Variants in SPANXN2 observed in about 807,000 individuals in gnomAD.
SPANXN2 encodes SPANX family member N2, also known as sperm protein associated with the nucleus on the X chromosome N2.
SPANXN2 carries 1 observed loss-of-function variant against 2.0 expected under a neutral mutation model. That is an observed-to-expected ratio of 0.50 (90% CI 0.18 to 2.36). SPANXN2 has a LOEUF of 2.36. Among genes scored for constraint, SPANXN2 ranks in the 30% most tolerant of loss-of-function variants. The pLI is 0.26. For synonymous variants in SPANXN2, 43 were observed against 49.8 expected (o/e 0.86, Z 0.58); for missense variants, 88 against 116.7 (o/e 0.75, Z 1.13).
chrX:143,720,531 T>C lies in SPANXN2; in HGVS notation c.78+60A>G, dbSNP rs879972814. On this transcript the variant is annotated intron_variant, in intron 1 of 1. Transcript: ENST00000598475. ...TATTCCTGTGTTGCTGTTTGAGCCG[T>C]CCCTTCTCTGTGTGTCTTTCTTTCA... is the stretch of plus-strand genomic sequence containing the variant. 8.2e-3 allele frequency: 9,366 copies of C among 1,144,841 alleles called. 319 individuals carry two copies. The African/African-American group carries it at 0.11, about 13-fold the overall frequency. 94.3% of individuals were successfully genotyped at this position (1,144,841 alleles called of 1,213,427 possible). A position where few individuals can be genotyped will look rare whatever the true frequency, so the allele number is the denominator to read the frequency against.
chrX:143,713,989 T>C (rs1484760863), intron 1 of SPANXN2, among the ~76,000 whole-genome samples: 6 of 107,263 alleles, frequency 5.6e-5, no homozygotes, highest in Admixed American at 1.0e-4. Flanking sequence ...AAAATGCCTC[T>C]TCCTCCGGAC....
At position 143,713,412 on chromosome X, in the gene SPANXN2, T is replaced by A. The variant is rs138715763; in HGVS notation, c.79-913A>T. ...CATTTCTGGACATCACATCCAACAC[T>A]GGGCTTCAATTAGTGGGTGAGTCTC... is the stretch of plus-strand genomic sequence containing the variant. On this transcript the variant is annotated intron_variant, in intron 1 of 1. Transcript: ENST00000598475. 3.8e-3 allele frequency among the ~76,000 whole-genome samples: 424 copies of A among 111,924 alleles called. 2 individuals are homozygous for A. Among genetic ancestry groups the A allele is most frequent in the Non-Finnish European group, 6.6e-3 (353 of 53,156 alleles).
At chrX:143,714,559 C>G (rs1470961990) in intron 1 of SPANXN2, among the ~76,000 whole-genome samples, 4 of 111,826 alleles carry the variant, frequency 3.6e-5, no homozygotes, top group Non-Finnish European at 7.5e-5. Context: ...CTTCAGTAGA[C>G]AGACAGAAAT....
chrX:143,715,147 T>C (rs782790153), intron 1 of SPANXN2, among the ~76,000 whole-genome samples: 2 of 111,531 alleles, frequency 1.8e-5, no homozygotes, highest in African/African-American at 6.5e-5. Context: ...CCTACTGCCA[T>C]CACCACCTCG....
intron 1 of SPANXN2, among the ~76,000 whole-genome samples, chrX:143,718,811 CA>C (rs1932313122): frequency 9.0e-6 from 1 of 111,104 alleles, no homozygotes; most frequent in African/African-American, 3.3e-5. Context: ...GGGCACCTTC[CA>C]AAATTTCACT....
rs192339212 is a variant in SPANXN2, at chrX:143,720,457, G to A, written c.78+134C>T. On this transcript the variant is annotated intron_variant, in intron 1 of 1. Transcript: ENST00000598475. ...ATAAGCACCCCAGCCTGTAAGCGGCGGTGGGTTCTGGCATTAAGCGGGTCC... is the reference window on the plus strand; with the variant it reads ...ATAAGCACCCCAGCCTGTAAGCGGCAGTGGGTTCTGGCATTAAGCGGGTCC... The A allele has an allele frequency of 7.6e-3, 4,345 of 570,047 alleles. 83 individuals are homozygous for A. Among genetic ancestry groups the A allele is most frequent in the African/African-American group, 0.01 (405 of 38,634 alleles). The allele number at this position is 570,047 out of a possible 1,213,427, so 47.0% of individuals were successfully genotyped here.
intron 1 of SPANXN2, among the ~76,000 whole-genome samples, chrX:143,714,334 C>T (rs782797995): frequency 3.6e-5 from 4 of 111,805 alleles, no homozygotes; most frequent in African/African-American, 1.3e-4. Flanking sequence ...CAACCTCCTT[C>T]CACAAGGAAT....
chrX:143,716,519 T>A (rs1402437463), intron 1 of SPANXN2, among the ~76,000 whole-genome samples: 1 of 111,540 alleles, frequency 9.0e-6, no homozygotes, highest in African/African-American at 3.3e-5. Flanking sequence ...AACTTAAAAA[T>A]GCCCTTTTAA....
chrX:143,713,892 ACTCTCTCT>A lies in SPANXN2; in HGVS notation c.79-1401_79-1394del, dbSNP rs58045166. ...CTTTGCTTATCTCCTTTCATGCCTCACTCTCTCTCTCTCTCTCTCTCTCTCTCTCTCTC... is the reference window on the plus strand; with the variant it reads ...CTTTGCTTATCTCCTTTCATGCCTCACTCTCTCTCTCTCTCTCTCTCTCTC... On this transcript the variant is annotated intron_variant, in intron 1 of 1. Coordinates refer to ENST00000598475, the Ensembl canonical transcript of SPANXN2. Among the ~76,000 whole-genome samples the A allele has an allele frequency of 5.2e-3, 458 of 87,839 alleles. 6 individuals carry two copies. The highest frequency in any genetic ancestry group is 0.014 in the East Asian group (36 of 2,564). The allele number at this position is 87,839 out of a possible 115,157, so 76.3% of individuals were successfully genotyped here. A position where few individuals can be genotyped will look rare whatever the true frequency, so the allele number is the denominator to read the frequency against.
intron 1 of SPANXN2, among the ~76,000 whole-genome samples, chrX:143,718,385 A>G: frequency 9.2e-6 from 1 of 108,734 alleles, no homozygotes. Context: ...TCCTCAAAAC[A>G]CTCCTCCCTG....
intron 1 of SPANXN2, among the ~76,000 whole-genome samples, chrX:143,713,405 C>A (rs1371692093): frequency 8.9e-6 from 1 of 111,895 alleles, no homozygotes; most frequent in Non-Finnish European, 1.9e-5. Context: ...GACATCACAT[C>A]CAACACTGGG....
chrX:143,720,425 C>T (rs1932346398), intron 1 of SPANXN2, among the ~76,000 whole-genome samples, 166 bp downstream of exon 1: 2 of 90,872 alleles, frequency 2.2e-5, no homozygotes, highest in African/African-American at 4.1e-5. Flanking sequence ...CCCTCCCACC[C>T]ATACCTATAA....
intron 1 of SPANXN2, among the ~76,000 whole-genome samples, chrX:143,713,488 A>G (rs1472931698): frequency 3.6e-5 from 4 of 111,456 alleles, no homozygotes; most frequent in African/African-American, 6.5e-5. Context: ...TCTCCAAAAA[A>G]TTCCAGTGCT....
chrX:143,720,210 G>C lies in SPANXN2; in HGVS notation c.78+381C>G, dbSNP rs1398080889. On this transcript the variant is annotated intron_variant, in intron 1 of 1. Coordinates refer to ENST00000598475, the Ensembl canonical transcript of SPANXN2. ...TGATCAAAGTGAAACATTCCACGGG[G>C]GTTCGGGCCATGAGAAAAATCTTGC... Among the ~76,000 whole-genome samples, 18 of 110,066 alleles carry C rather than the reference G, an allele frequency of 1.6e-4. No individual in the cohort carries two copies. In the East Asian group the frequency reaches 4.3e-3, roughly 26 times the overall value.
chrX:143,719,700 G>T (rs782573370), intron 1 of SPANXN2, among the ~76,000 whole-genome samples: 17 of 110,938 alleles, frequency 1.5e-4, no homozygotes, highest in African/African-American at 5.6e-4. Flanking sequence ...CTAACAAGCA[G>T]ACCATCCAGG....
intron 1 of SPANXN2, among the ~76,000 whole-genome samples, chrX:143,714,048 G>A (rs782267217): frequency 9.2e-6 from 1 of 108,605 alleles, no homozygotes; most frequent in South Asian, 4.1e-4. Flanking sequence ...CCGTTCTTCA[G>A]CCTCCTGCCC....
chrX:143,712,285 T>A (rs782343491), exon 2 of SPANXN2: 1 of 1,210,600 alleles, frequency 8.3e-7, no homozygotes, highest in East Asian at 3.0e-5. Flanking sequence ...GTCTTCGTCC[T>A]CCTGTGAAGA....
chrX:143,712,420 AT>A lies in SPANXN2; in HGVS notation c.157del (p.Ile53Ter), dbSNP rs782010054. On this transcript the variant is annotated frameshift_variant, in exon 2 of 2. Transcript: ENST00000598475. LOFTEE classifies it low-confidence loss of function (END_TRUNC). ...CGTATGCTTCCTGTAGTAATACACT[AT>A]TATTGTTAGATATTCTATTGTTTTT... The A allele has an allele frequency of 3.0e-5, 36 of 1,210,902 alleles. No individual in the cohort carries two copies. The African/African-American group carries it at 6.3e-4, about 21-fold the overall frequency.
Position 143,718,623 on chromosome X carries a change from T to C in SPANXN2, c.78+1968A>G, listed in dbSNP as rs1295914659. ...TTCCCTGACAAGACCAACCTCACTG[T>C]ACTTAACAAGAATTCCAGAAGTTGC... is the stretch of plus-strand genomic sequence containing the variant. On this transcript the variant is annotated intron_variant, in intron 1 of 1. Coordinates refer to ENST00000598475, the Ensembl canonical transcript of SPANXN2. Among the ~76,000 whole-genome samples, 3 of 112,052 alleles carry C rather than the reference T, an allele frequency of 2.7e-5. No individual in the cohort carries two copies. The Admixed American group carries it at 2.8e-4, about 11-fold the overall frequency.
Sources: gnomAD v4.1 joint callset for allele counts (sites outside exome capture counted in the v4.1 genomes callset) on GRCh38, gnomAD v4.1.1 for gene constraint, MANE v1.5 for transcripts, NCBI Gene and HGNC (gene_info 2026-07-23, HGNC 2026-07-21) for gene names.